The following SND1 variants were observed in gnomAD, a reference collection of about 807,000 sequenced individuals.
SND1 encodes staphylococcal nuclease and tudor domain containing 1, also known as staphylococcal nuclease domain-containing protein 1.
Under a neutral mutation model 121.7 loss-of-function variants are expected in SND1, and 38 were observed. The ratio of observed to expected loss-of-function variants is 0.31; its 90% CI spans 0.24 to 0.41. The LOEUF is 0.41. Among genes scored for constraint, SND1 ranks in the 10% least tolerant of loss-of-function variants. The pLI is 1.00. For missense variants in SND1, 868 were observed against 1,184.6 expected, an observed-to-expected ratio of 0.73 and a Z score of 3.92; for synonymous variants, 401 against 447.4, an observed-to-expected ratio of 0.90 and a Z score of 1.31.
intron 1 of SND1, among the ~76,000 whole-genome samples, chr7:127,656,386 T>G (rs1026361552): frequency 6.6e-6 from 1 of 151,022 alleles, no homozygotes; most frequent in Non-Finnish European, 1.5e-5. Context: ...GCAGTGGCGC[T>G]ATCTTGGCTC....
intron 12 of SND1, among the ~76,000 whole-genome samples, chr7:127,876,784 G>A (rs1799698779): frequency 1.3e-5 from 2 of 152,068 alleles, no homozygotes; most frequent in Admixed American, 1.3e-4. Context: ...GTTTCCTTCT[G>A]GGAAAGAAGC....
chr7:127,660,009 C>CTTTTTTTTTTTTTTT (rs58679623), intron 1 of SND1, among the ~76,000 whole-genome samples: 1 of 133,734 alleles, frequency 7.5e-6, no homozygotes, highest in African/African-American at 2.9e-5. Context: ...TGTTCCTATT[C>CTTTTTTTTTTTTTTT]TTTTTTTTTT....
At chr7:127,899,977 T>C (rs954091312) in intron 13 of SND1, among the ~76,000 whole-genome samples, 2 of 152,284 alleles carry the variant, frequency 1.3e-5, no homozygotes, top group Admixed American at 6.5e-5. Flanking sequence ...GGGGTCCTAA[T>C]CTCTCTCAGC....
intron 15 of SND1, among the ~76,000 whole-genome samples, chr7:127,940,644 A>G (rs536305402): frequency 1.1e-4 from 17 of 152,106 alleles, no homozygotes; most frequent in Non-Finnish European, 2.5e-4. Context: ...AAAATAAATA[A>G]ATAAAACCAT....
chr7:127,864,745 A>C (rs920912264), intron 12 of SND1, among the ~76,000 whole-genome samples: 7 of 152,076 alleles, frequency 4.6e-5, no homozygotes, highest in Non-Finnish European at 8.8e-5. Context: ...GGTCTACTAG[A>C]GACAGTTTTT....
At chr7:127,739,768 G>A (rs1452236657) in intron 10 of SND1, among the ~76,000 whole-genome samples, 1 of 152,184 alleles carries the variant, frequency 6.6e-6, no homozygotes, top group East Asian at 1.9e-4. Flanking sequence ...CTTGTCCTAG[G>A]TCTGAGGGTT....
intron 16 of SND1, among the ~76,000 whole-genome samples, chr7:128,036,481 C>A (rs1792752973): frequency 6.6e-6 from 1 of 152,140 alleles, no homozygotes; most frequent in Admixed American, 6.5e-5. Context: ...TTCTTTTCCC[C>A]CAAGGACTCA....
At chr7:127,875,256 T>C (rs1799667892) in intron 12 of SND1, among the ~76,000 whole-genome samples, 1 of 152,142 alleles carries the variant, frequency 6.6e-6, no homozygotes, top group Non-Finnish European at 1.5e-5. Context: ...CCAATAAATA[T>C]TTATTGAGTG....
rs553570428 is a variant in SND1, at chr7:127,710,083, G to A, written c.1038+2436G>A. ...TGAATTTGGCTGGGCACTTGTTTTT[G>A]CATGATCTGTGGATTTTACACTGAA... On this transcript the variant is annotated intron_variant, in intron 9 of 23. Coordinates refer to ENST00000354725, the MANE Select transcript of SND1 (RefSeq NM_014390.4). Among the ~76,000 whole-genome samples the A allele has an allele frequency of 7.3e-5, 11 of 151,486 alleles. No individual in the cohort carries two copies. In the South Asian group the frequency reaches 2.1e-3, roughly 29 times the overall value.
At chr7:127,695,056 A>G in intron 3 of SND1, 108 bp downstream of exon 3, 1 of 1,377,260 alleles carries the variant, frequency 7.3e-7, no homozygotes, top group Middle Eastern at 2.3e-4. Context: ...AAGCTCTAGG[A>G]CAGTTGGCTG....
At chr7:128,054,039 C>T (rs914489820) in intron 16 of SND1, among the ~76,000 whole-genome samples, 1 of 152,250 alleles carries the variant, frequency 6.6e-6, no homozygotes, top group Non-Finnish European at 1.5e-5. Context: ...ATCTTCCCAG[C>T]ACCACTGATC....
chr7:127,692,569 T>G (rs933350118), intron 2 of SND1: 4 of 152,274 alleles, frequency 2.6e-5, no homozygotes, highest in African/African-American at 9.6e-5. Context: ...CCATAAGGGT[T>G]CTGTCCCAGA....
chr7:127,771,051 G>A (rs963236305), intron 10 of SND1, among the ~76,000 whole-genome samples: 1 of 152,190 alleles, frequency 6.6e-6, no homozygotes, highest in Non-Finnish European at 1.5e-5. Context: ...TCAAACAGCT[G>A]TCACTGTGTA....
At chr7:128,049,276 C>T (rs1793005023) in intron 16 of SND1, among the ~76,000 whole-genome samples, 1 of 152,136 alleles carries the variant, frequency 6.6e-6, no homozygotes, top group Non-Finnish European at 1.5e-5. Flanking sequence ...CTGTCAAGTG[C>T]CCCAGAAGAT....
chr7:127,986,964 T>C (rs768992058), intron 15 of SND1, among the ~76,000 whole-genome samples: 1 of 152,272 alleles, frequency 6.6e-6, no homozygotes, highest in Admixed American at 6.5e-5. Flanking sequence ...TAAAGGCTTG[T>C]GTCAGAGGTA....
Position 127,831,723 on chromosome 7 carries a change from C to G in SND1, c.1243-12601C>G, listed in dbSNP as rs539020637. Among the ~76,000 whole-genome samples the G allele has an allele frequency of 2.6e-5, 4 of 152,252 alleles. No individual in the cohort carries two copies. In the South Asian group the frequency reaches 8.3e-4, roughly 32 times the overall value. ...GAAGACCCTGCTTGTGAGGAGGCTA[C>G]TTTTTTGTGTTTTTTGCTGTTTTTT... On this transcript the variant is annotated intron_variant, in intron 11 of 23. Transcript: ENST00000354725.
intron 12 of SND1, among the ~76,000 whole-genome samples, chr7:127,858,899 G>A (rs760470542): frequency 3.3e-5 from 5 of 152,156 alleles, no homozygotes; most frequent in Non-Finnish European, 7.3e-5. Context: ...TGGTCGTCTA[G>A]AATCTAGACT....
Position 127,661,923 on chromosome 7 carries a change from C to T in SND1, c.78+9472C>T, listed in dbSNP as rs547745167. On this transcript the variant is annotated intron_variant, in intron 1 of 23. Transcript: ENST00000354725. ...TTGAGGTTAGGAGTTTGAGACCAGC[C>T]TGGCCAACATGGCAAAACCCCATCT... 3.3e-5 allele frequency among the ~76,000 whole-genome samples: 5 copies of T among 152,156 alleles called. No individual in the cohort carries two copies. The East Asian group carries it at 9.7e-4, about 29-fold the overall frequency.
chr7:127,970,095 T>TAATTG (rs1801949229), intron 15 of SND1, among the ~76,000 whole-genome samples: 1 of 152,226 alleles, frequency 6.6e-6, no homozygotes, highest in South Asian at 2.1e-4. Context: ...TAAAAAACTT[T>TAATTG]TAATTGTATG....
Sources: allele counts gnomAD v4.1 joint callset (sites outside exome capture counted in the v4.1 genomes callset), GRCh38; gene constraint gnomAD v4.1.1; transcripts MANE v1.5; gene names NCBI Gene and HGNC (gene_info 2026-07-23, HGNC 2026-07-21).